Variants in CTNNA3 observed in about 807,000 individuals in gnomAD.
CTNNA3 encodes the protein catenin alpha-3.
Under a neutral mutation model 95.7 loss-of-function variants are expected in CTNNA3, and 76 were observed. That is an observed-to-expected ratio of 0.79 (90% CI 0.66 to 0.96). The LOEUF is 0.96. Among genes scored for constraint, CTNNA3 ranks in the 40% least tolerant of loss-of-function variants. CTNNA3 has a pLI of 0.00. For missense variants in CTNNA3, 1,191 were observed against 1,089.8 expected (o/e 1.09, Z -1.31); for synonymous variants, 431 against 374.4 (o/e 1.15, Z -1.74).
At chr10:66,551,925 C>CA in intron 10 of CTNNA3, among the ~76,000 whole-genome samples, 1 of 116,776 alleles carries the variant, frequency 8.6e-6, no homozygotes, top group South Asian at 3.0e-4. Flanking sequence ...TTTTCTGAGA[C>CA]AGAGTCTCGC....
At chr10:67,533,925 A>G (rs1342894845) in intron 4 of CTNNA3, among the ~76,000 whole-genome samples, 1 of 152,188 alleles carries the variant, frequency 6.6e-6, no homozygotes, top group Non-Finnish European at 1.5e-5. Flanking sequence ...TCTGTTATGT[A>G]AGAAAAGTCA....
At chr10:66,502,921 A>C (rs1286207475) in intron 11 of CTNNA3, among the ~76,000 whole-genome samples, 1 of 151,794 alleles carries the variant, frequency 6.6e-6, no homozygotes, top group Admixed American at 6.6e-5. Context: ...TAAGTATATC[A>C]CATCTAATAA....
chr10:66,189,257 C>T (rs2086517989), intron 13 of CTNNA3, among the ~76,000 whole-genome samples: 3 of 137,542 alleles, frequency 2.2e-5, no homozygotes, highest in Non-Finnish European at 3.1e-5. Context: ...CTTGCCTACA[C>T]TTTTGGAGTT....
chr10:66,065,848 T>C (rs2080302238), intron 15 of CTNNA3, among the ~76,000 whole-genome samples: 1 of 151,846 alleles, frequency 6.6e-6, no homozygotes, highest in Admixed American at 6.6e-5. Flanking sequence ...ACCAAGTTAT[T>C]ATTATTATTA....
intron 10 of CTNNA3, among the ~76,000 whole-genome samples, chr10:66,590,378 C>T (rs1002765495): frequency 2.0e-5 from 3 of 152,004 alleles, no homozygotes; most frequent in Admixed American, 6.6e-5. Flanking sequence ...ATGAAATCAC[C>T]CGTACCAGAC....
chr10:66,520,689 C>T lies in CTNNA3; in HGVS notation c.1459G>A (p.Glu487Lys), dbSNP rs746514516. The T allele has an allele frequency of 7.4e-6, 12 of 1,611,768 alleles. No individual in the cohort carries two copies. The highest frequency in any genetic ancestry group is 1.6e-4 in the Middle Eastern group (1 of 6,078). The change falls in exon 11 of 18, where the codon GAG becomes AAG. Residue 487 changes from glutamate (E) to lysine (K), a missense_variant. Glu to Lys is a moderately conservative substitution (Grantham distance 56, BLOSUM62 1). Transcript: ENST00000433211. Reference protein sequence around the residue: ...NTMEMYKRTWENHIHVLTEAV... With the variant: ...NTMEMYKRTWKNHIHVLTEAV... ...TCAGTGAGGACATGTATATGATTCT[C>T]CCATGTACGCTTGTACATTTCCATG...
At chr10:66,264,182 G>T (rs1386021334) in intron 13 of CTNNA3, among the ~76,000 whole-genome samples, 1 of 151,808 alleles carries the variant, frequency 6.6e-6, no homozygotes, top group East Asian at 1.9e-4. Context: ...ATATCTAAAG[G>T]CCACTAAATT....
At chr10:66,641,437 A>G (rs1479668633) in intron 9 of CTNNA3, among the ~76,000 whole-genome samples, 1 of 152,096 alleles carries the variant, frequency 6.6e-6, no homozygotes, top group South Asian at 2.1e-4. Context: ...AGGGCTTGTG[A>G]CTGCTCCTAA....
At chr10:66,408,984 C>T (rs2093078752) in intron 11 of CTNNA3, among the ~76,000 whole-genome samples, 1 of 152,096 alleles carries the variant, frequency 6.6e-6, no homozygotes, top group Non-Finnish European at 1.5e-5. Flanking sequence ...CATTGGCATA[C>T]TTTTTTGCTA....
rs977760762 is a variant in CTNNA3 at position 66,745,751 on chromosome 10, C to T, written c.1281+20513G>A. On this transcript the variant is annotated intron_variant, in intron 9 of 17. Transcript: ENST00000433211. Reference sequence around the variant, plus strand: ...ACTACAGGCGCACATCACCACACCTCGCTATTTTTTTTTTTTTTTTTGTAT... The same window carrying T: ...ACTACAGGCGCACATCACCACACCTTGCTATTTTTTTTTTTTTTTTTGTAT... Among the ~76,000 whole-genome samples, 4 of 127,892 alleles carry T rather than the reference C, an allele frequency of 3.1e-5. No individual in the cohort carries two copies. In the Admixed American group the frequency reaches 3.5e-4, roughly 11 times the overall value. The allele number at this position is 127,892 out of a possible 152,430, so 83.9% of individuals were successfully genotyped here.
At chr10:67,699,125 G>A (rs1027813969), upstream of CTNNA3, among the ~76,000 whole-genome samples, 9 of 152,034 alleles carry the variant, frequency 5.9e-5, no homozygotes, top group African/African-American at 1.9e-4. Context: ...GCTCCTTCAC[G>A]ATCACCTCAC....
chr10:66,367,459 G>T (rs3935847), intron 12 of CTNNA3, among the ~76,000 whole-genome samples: 54,136 of 149,688 alleles, frequency 0.36, 11,188 homozygotes, highest in Non-Finnish European at 0.47. Context: ...ATATATAGTT[G>T]CAACATTACA....
Position 67,025,133 on chromosome 10 carries a change from AAC to A in CTNNA3, c.1047+155182_1047+155183del, listed in dbSNP as rs199605101. 9.1e-3 allele frequency among the ~76,000 whole-genome samples: 1,080 copies of A among 118,074 alleles called. 33 individuals carry two copies. Among genetic ancestry groups the A allele is most frequent in the East Asian group, 0.022 (92 of 4,134 alleles). 77.5% of individuals were successfully genotyped at this position (118,074 alleles called of 152,430 possible). ...GCAACAAGAGCAAAACTCTGTCAAA[AAC>A]AAAAAAAAAAAAGAAAGAAAGGAAG... On this transcript the variant is annotated intron_variant, in intron 7 of 17. Coordinates refer to ENST00000433211, the MANE Select transcript of CTNNA3 (RefSeq NM_013266.4).
chr10:67,019,950 T>C (rs1852894997), intron 7 of CTNNA3, among the ~76,000 whole-genome samples: 1 of 152,182 alleles, frequency 6.6e-6, no homozygotes, highest in Non-Finnish European at 1.5e-5. Flanking sequence ...ACGTCACTTG[T>C]TTAATTTGCT....
Position 65,916,641 on chromosome 10 carries a change from A to C in CTNNA3, c.*3689T>G, listed in dbSNP as rs1200994778. ...AAATTAAAATTCATAATTTTGACTAAAACTCTGTAAAATTTATTAGTCAAT... is the reference window on the plus strand; with the variant it reads ...AAATTAAAATTCATAATTTTGACTACAACTCTGTAAAATTTATTAGTCAAT... On this transcript the variant is annotated 3_prime_UTR_variant, in exon 18 of 18. Transcript: ENST00000433211. 1.3e-5 allele frequency: 2 copies of C among 152,190 alleles called. No individual in the cohort carries two copies. Among genetic ancestry groups the C allele is most frequent in the African/African-American group, 2.4e-5 (1 of 41,446 alleles). The allele number at this position is 152,190 out of a possible 1,614,324, so 9.4% of individuals were successfully genotyped here. A position where few individuals can be genotyped will look rare whatever the true frequency, so the allele number is the denominator to read the frequency against.
At chr10:67,293,017 G>A (rs1839897283) in intron 5 of CTNNA3, among the ~76,000 whole-genome samples, 1 of 151,840 alleles carries the variant, frequency 6.6e-6, no homozygotes, top group South Asian at 2.1e-4. Context: ...AATTCCTAAA[G>A]AGAATTAGTA....
intron 3 of CTNNA3, among the ~76,000 whole-genome samples, chr10:67,579,193 T>G (rs71496058): frequency 6.4e-5 from 7 of 109,546 alleles, no homozygotes; most frequent in Non-Finnish European, 8.9e-5. Context: ...CCCAGTGCTA[T>G]CCATCCCCCC....
At chr10:67,564,677 G>GTGTGTGTGTA (rs1488656262) in intron 3 of CTNNA3, among the ~76,000 whole-genome samples, 13 of 61,310 alleles carry the variant, frequency 2.1e-4, no homozygotes, top group African/African-American at 8.3e-4. Context: ...GTGTGTGTGT[G>GTGTGTGTGTA]TATATATATA....
intron 11 of CTNNA3, among the ~76,000 whole-genome samples, chr10:66,513,504 G>A (rs57916658): frequency 0.046 from 6,952 of 152,240 alleles, 453 homozygotes; most frequent in East Asian, 0.31. Context: ...CGCACCTCTG[G>A]TGGTACACAT....
Sources: allele counts gnomAD v4.1 joint callset (sites outside exome capture counted in the v4.1 genomes callset), GRCh38; gene constraint gnomAD v4.1.1; transcripts MANE v1.5; gene names NCBI Gene and HGNC (gene_info 2026-07-23, HGNC 2026-07-21).